Variants in INPP5D observed in about 807,000 individuals in gnomAD.
INPP5D encodes inositol polyphosphate-5-phosphatase D.
INPP5D carries 33 observed loss-of-function variants against 122.9 expected under a neutral mutation model. That is an observed-to-expected ratio of 0.27 (90% confidence interval 0.20 to 0.36). The LOEUF is 0.36. Ranked by LOEUF, INPP5D falls within the 10% of genes least tolerant of loss-of-function variation. The probability of loss-of-function intolerance (pLI) is 1.00; values close to 1 mark genes in which losing one functional copy is unlikely to be tolerated. For synonymous variants in INPP5D, 584 were observed against 576.2 expected, an observed-to-expected ratio of 1.01 and a Z score of -0.19; for missense variants, 1,053 against 1,412.7, an observed-to-expected ratio of 0.75 and a Z score of 4.08.
chr2:233,139,662 G>A (rs1693592394), intron 5 of INPP5D, among the ~76,000 whole-genome samples, 180 bp from the exon 6 acceptor site: 1 of 152,234 alleles, frequency 6.6e-6, no homozygotes, highest in African/African-American at 2.4e-5. Context: ...GGGTTGGGAA[G>A]GGATGGGTGG....
chr2:233,104,493 G>A (rs761002686), intron 2 of INPP5D, among the ~76,000 whole-genome samples: 4 of 152,150 alleles, frequency 2.6e-5, no homozygotes, highest in Non-Finnish European at 5.9e-5. Flanking sequence ...CCCTGCTAAA[G>A]AGCAGGATTT....
intron 2 of INPP5D, among the ~76,000 whole-genome samples, chr2:233,096,821 A>C (rs925654296): frequency 2.0e-5 from 3 of 152,136 alleles, no homozygotes; most frequent in African/African-American, 7.2e-5. Context: ...AAGTTATATG[A>C]AAATATTTTC....
intron 5 of INPP5D, among the ~76,000 whole-genome samples, chr2:233,137,856 ATATATATATATATATAT>A (rs1693520738): frequency 9.7e-4 from 14 of 14,370 alleles, no homozygotes; most frequent in African/African-American, 2.7e-3. Context: ...AAAAAAAAAT[ATATATATATATATATAT>A]ATATATATAT....
At chr2:233,155,322 A>G (rs1443546254) in intron 9 of INPP5D, among the ~76,000 whole-genome samples, 1 of 152,166 alleles carries the variant, frequency 6.6e-6, no homozygotes, top group Admixed American at 6.5e-5. Flanking sequence ...GATTTTTACA[A>G]TTTAAAAGAC....
chr2:233,179,723 C>T (rs534954849), intron 18 of INPP5D, among the ~76,000 whole-genome samples: 4 of 152,056 alleles, frequency 2.6e-5, no homozygotes, highest in South Asian at 4.2e-4. Context: ...TCAGTAGAAG[C>T]GTTTAATGAG....
rs193162764 is a variant in INPP5D at position 233,197,396 on chromosome 2, T to G, written c.2694-699T>G. 1.5e-4 allele frequency among the ~76,000 whole-genome samples: 23 copies of G among 152,320 alleles called. No homozygotes were observed. In the East Asian group the frequency reaches 4.2e-3, roughly 28 times the overall value. Reference sequence around the variant, plus strand: ...TGCTGACGCTGCACACACAAATGTGTGAGCTGATGTGTTCCAGAGGAACCC... The same window carrying G: ...TGCTGACGCTGCACACACAAATGTGGGAGCTGATGTGTTCCAGAGGAACCC... On this transcript the variant is annotated intron_variant, in intron 24 of 26. Transcript: ENST00000445964. This position sits in a 1 kb window ranked among gnomAD's most constrained non-coding sequence, Gnocchi z 4.4.
chr2:233,204,637 G>A lies in INPP5D; in HGVS notation c.3487G>A (p.Asp1163Asn). 6.3e-7 allele frequency: 1 copy of A among 1,584,018 alleles called. No homozygotes were observed. The highest frequency in any genetic ancestry group is 8.6e-7 in the Non-Finnish European group (1 of 1,166,694). The change falls in exon 26 of 27, where the codon GAC becomes AAC. Residue 1163 changes from aspartate to asparagine, a missense_variant. Coordinates refer to ENST00000445964, the MANE Select transcript of INPP5D (RefSeq NM_001017915.3). ...GCACTCCAAGGGCCGCGACTACCGC[G>A]ACAACACCGAGCTCCCGCATCACGG... ...LQHSKGRDYR[D>N]NTELPHHGKH... is the part of the protein sequence containing the mutation.
intron 2 of INPP5D, among the ~76,000 whole-genome samples, chr2:233,104,490 A>T (rs903840804): frequency 6.6e-6 from 1 of 152,122 alleles, no homozygotes; most frequent in African/African-American, 2.4e-5. Context: ...AGGCCCTGCT[A>T]AAGAGCAGGA....
chr2:233,115,024 C>T (rs188263284), intron 2 of INPP5D, among the ~76,000 whole-genome samples: 102 of 152,196 alleles, frequency 6.7e-4, no homozygotes, highest in Admixed American at 2.4e-3. Context: ...TGTGCCACCG[C>T]GCCTATCTAA....
chr2:233,194,019 G>A (rs555198134), intron 23 of INPP5D, 58 bp downstream of exon 23: 32 of 1,500,560 alleles, frequency 2.1e-5, no homozygotes, highest in African/African-American at 1.3e-4. Context: ...GGACGGGAAC[G>A]TGCTTTCTCT....
intron 4 of INPP5D, 118 bp from the exon 5 acceptor site, chr2:233,130,390 C>G: frequency 9.2e-7 from 1 of 1,087,644 alleles, no homozygotes; most frequent in Non-Finnish European, 1.3e-6. Context: ...TTCTGAAGGA[C>G]GGTGTCCCCT....
intron 1 of INPP5D, among the ~76,000 whole-genome samples, chr2:233,064,348 T>A (rs1046445646): frequency 6.6e-6 from 1 of 152,242 alleles, no homozygotes; most frequent in Non-Finnish European, 1.5e-5. Flanking sequence ...TCCCTCCACA[T>A]GTGGCCTTCC....
intron 2 of INPP5D, among the ~76,000 whole-genome samples, chr2:233,120,100 C>T (rs140267486): frequency 7.3e-4 from 111 of 152,318 alleles, no homozygotes; most frequent in African/African-American, 2.6e-3. Context: ...CCATTCCCTC[C>T]AGAAAGAAGG....
At position 233,082,923 on chromosome 2, in the gene INPP5D, G is replaced by A. The variant is rs1400879302; in HGVS notation, c.198+3525G>A. Among the ~76,000 whole-genome samples the A allele has an allele frequency of 6.6e-6, 1 of 152,236 alleles. No homozygotes were observed. Among genetic ancestry groups the A allele is most frequent in the East Asian group, 1.9e-4 (1 of 5,196 alleles). ...TCCAAGCCTGTCTGGAGTCCCCTGG[G>A]GAAGGATGAGCCCAGGACTCTGCCC... On this transcript the variant is annotated intron_variant, in intron 2 of 26. Coordinates refer to ENST00000445964, the MANE Select transcript of INPP5D (RefSeq NM_001017915.3). This position sits in a 1 kb window ranked among gnomAD's most constrained non-coding sequence, Gnocchi z 4.7.
At chr2:233,178,103 T>A (rs1463355478) in intron 18 of INPP5D, among the ~76,000 whole-genome samples, 4 of 152,154 alleles carry the variant, frequency 2.6e-5, no homozygotes, top group African/African-American at 4.8e-5. Context: ...AATATTAAAA[T>A]AAATAATTAT....
chr2:233,185,377 G>A (rs961763729), intron 20 of INPP5D, among the ~76,000 whole-genome samples: 9 of 152,122 alleles, frequency 5.9e-5, no homozygotes, highest in Non-Finnish European at 7.4e-5. Flanking sequence ...AAAGCGGTTC[G>A]AAAAATGATG....
rs142485540 is a variant in INPP5D, at chr2:233,098,890, C to T, written c.198+19492C>T. Reference sequence around the variant, plus strand: ...TATTTGCCATCGACTAAAATGCCATCGTCTTTTTCACATGTGCTCCTGCTA... The same window carrying T: ...TATTTGCCATCGACTAAAATGCCATTGTCTTTTTCACATGTGCTCCTGCTA... On this transcript the variant is annotated intron_variant, in intron 2 of 26. Coordinates refer to ENST00000445964, the MANE Select transcript of INPP5D (RefSeq NM_001017915.3). 3.0e-3 allele frequency among the ~76,000 whole-genome samples: 457 copies of T among 152,198 alleles called. 1 individual carries two copies. The highest frequency in any genetic ancestry group is 0.01 in the African/African-American group (422 of 41,540).
intron 14 of INPP5D, chr2:233,169,765 T>C: frequency 1.6e-6 from 1 of 617,786 alleles, no homozygotes. Context: ...TTCACTGTTC[T>C]GATTCTCTGC....
intron 2 of INPP5D, among the ~76,000 whole-genome samples, chr2:233,107,780 T>G (rs11901943): frequency 0.033 from 5,044 of 152,022 alleles, 263 homozygotes; most frequent in African/African-American, 0.11. Context: ...GTGGGAGTCA[T>G]GATGTCCCTG....
Sources: gnomAD v4.1 joint callset for allele counts (sites outside exome capture counted in the v4.1 genomes callset) on GRCh38, gnomAD v4.1.1 for gene constraint, Gnocchi (gnomAD v3.1) non-coding constraint, MANE v1.5 for transcripts, NCBI Gene and HGNC (gene_info 2026-07-23, HGNC 2026-07-21) for gene names.